Variants in FGGY observed in about 807,000 individuals in gnomAD.
FGGY encodes the protein FGGY carbohydrate kinase domain-containing protein.
FGGY carries 72 observed loss-of-function variants against 71.3 expected under a neutral mutation model. That is an observed-to-expected ratio of 1.01 (90% CI 0.84 to 1.23). The LOEUF (loss-of-function observed/expected upper bound fraction) is 1.23, where lower values mean the gene tolerates loss of function less well. FGGY is among the 50% of genes most tolerant of loss of function. FGGY has a pLI of 0.00. For missense variants in FGGY, 668 were observed against 682.3 expected, an observed-to-expected ratio of 0.98 and a Z score of 0.23; for synonymous variants, 251 against 250.3, an observed-to-expected ratio of 1.00 and a Z score of -0.02.
chr1:59,648,560 T>G (rs1169796610), intron 11 of FGGY, among the ~76,000 whole-genome samples: 1 of 146,416 alleles, frequency 6.8e-6, no homozygotes, highest in South Asian at 2.2e-4. Flanking sequence ...TTGAGAAGTG[T>G]CTGTTCATGT....
At chr1:59,419,293 G>GT (rs1000810997) in intron 5 of FGGY, among the ~76,000 whole-genome samples, 2 of 151,098 alleles carry the variant, frequency 1.3e-5, no homozygotes, top group African/African-American at 4.9e-5. Context: ...GAGGCTAGAG[G>GT]TAAAAAAATA....
chr1:59,588,158 A>C lies in FGGY; in HGVS notation c.904-19645A>C, dbSNP rs570846705. ...ACTACGTGAAGAATGCAGAAGCCTC[A>C]GGAGCCGATGTGATCAACTGGAAGA... On this transcript the variant is annotated intron_variant, in intron 8 of 15. Transcript: ENST00000303721. 2.7e-3 allele frequency among the ~76,000 whole-genome samples: 417 copies of C among 152,366 alleles called. 2 individuals are homozygous for C. The highest frequency in any genetic ancestry group is 5.0e-3 in the Non-Finnish European group (340 of 68,032).
chr1:59,390,423 G>A (rs2060557655), intron 5 of FGGY, among the ~76,000 whole-genome samples: 2 of 152,090 alleles, frequency 1.3e-5, no homozygotes, highest in Admixed American at 1.3e-4. Flanking sequence ...ATCACCTCAT[G>A]GTCCAAGATG....
chr1:59,658,109 A>G (rs752111944), intron 11 of FGGY, among the ~76,000 whole-genome samples: 4 of 152,218 alleles, frequency 2.6e-5, no homozygotes, highest in Non-Finnish European at 5.9e-5. Context: ...AGTGCTTACT[A>G]TGTTCCAGGC....
intron 13 of FGGY, among the ~76,000 whole-genome samples, chr1:59,668,215 CAG>C (rs1283165334): frequency 6.6e-6 from 1 of 152,142 alleles, no homozygotes; most frequent in Non-Finnish European, 1.5e-5. Context: ...TCTGTTGTCG[CAG>C]AGAGTGGCCT....
At chr1:59,593,985 T>A (rs567644783) in intron 8 of FGGY, among the ~76,000 whole-genome samples, 1 of 152,310 alleles carries the variant, frequency 6.6e-6, no homozygotes, top group East Asian at 1.9e-4. Context: ...AAGGCTGTAG[T>A]TCATAGCTCT....
chr1:59,756,845 T>G (rs796779387), intron 14 of FGGY, among the ~76,000 whole-genome samples: 8 of 151,886 alleles, frequency 5.3e-5, no homozygotes, highest in African/African-American at 1.9e-4. Flanking sequence ...GGGGAAACAC[T>G]TGGAAATGTT....
At chr1:59,326,595 G>A (rs2047467265) in intron 2 of FGGY, among the ~76,000 whole-genome samples, 1 of 152,142 alleles carries the variant, frequency 6.6e-6, no homozygotes, top group South Asian at 2.1e-4. Context: ...ACTCAGATGG[G>A]TCAAACCTAT....
chr1:59,561,656 T>G (rs2095795263), intron 8 of FGGY, among the ~76,000 whole-genome samples: 1 of 152,172 alleles, frequency 6.6e-6, no homozygotes, highest in Admixed American at 6.5e-5. Context: ...CTTTGTATCA[T>G]GTAAATAGCT....
intron 11 of FGGY, among the ~76,000 whole-genome samples, chr1:59,643,041 A>G (rs976851909): frequency 6.6e-6 from 1 of 151,818 alleles, no homozygotes; most frequent in African/African-American, 2.4e-5. Context: ...TCTCAAAAAA[A>G]AAAAAAAAAA....
chr1:59,515,761 A>G (rs1326197924), intron 7 of FGGY, among the ~76,000 whole-genome samples: 1 of 152,124 alleles, frequency 6.6e-6, no homozygotes, highest in Non-Finnish European at 1.5e-5. Context: ...TTTGCCCTCC[A>G]CCATGATTAT....
At chr1:59,591,925 C>T (rs547185317) in intron 8 of FGGY, among the ~76,000 whole-genome samples, 9 of 152,234 alleles carry the variant, frequency 5.9e-5, no homozygotes, top group African/African-American at 2.2e-4. Flanking sequence ...CAACAAAAGC[C>T]AAAATTGACA....
intron 7 of FGGY, among the ~76,000 whole-genome samples, chr1:59,517,256 T>C (rs2094685918): frequency 2.3e-5 from 2 of 85,302 alleles, no homozygotes; most frequent in African/African-American, 7.1e-5. Flanking sequence ...CAGTTGCTCT[T>C]TTTTTTTTTT....
chr1:59,733,549 T>G (rs1007689102), intron 14 of FGGY, among the ~76,000 whole-genome samples: 3 of 152,186 alleles, frequency 2.0e-5, no homozygotes, highest in Admixed American at 6.5e-5. Context: ...AAGGACAAAT[T>G]CATTTCTTAC....
rs116768702 is a variant in FGGY, at chr1:59,712,566, C to T, written c.1512+38433C>T. Among the ~76,000 whole-genome samples, 12 of 152,336 alleles carry T rather than the reference C, an allele frequency of 7.9e-5. No homozygotes were observed. The East Asian group carries it at 9.6e-4, about 12-fold the overall frequency. On this transcript the variant is annotated intron_variant, in intron 14 of 15. Coordinates refer to ENST00000303721, the MANE Select transcript of FGGY (RefSeq NM_018291.5). Reference sequence around the variant, plus strand: ...GCCTGGGCATCCAGGTTTTTCCATACATCTTCTGAAATCTAGGCAGAGGTT... The same window carrying T: ...GCCTGGGCATCCAGGTTTTTCCATATATCTTCTGAAATCTAGGCAGAGGTT...
chr1:59,416,532 C>G (rs985019430), intron 5 of FGGY, among the ~76,000 whole-genome samples: 2 of 152,138 alleles, frequency 1.3e-5, no homozygotes, highest in African/African-American at 4.8e-5. Flanking sequence ...TTGACAGTGA[C>G]CAAAACACAA....
chr1:59,700,569 C>T (rs1397311792), intron 14 of FGGY, among the ~76,000 whole-genome samples: 2 of 152,126 alleles, frequency 1.3e-5, no homozygotes, highest in Non-Finnish European at 2.9e-5. Context: ...CTTTTCTTAG[C>T]CCCATTAGCC....
intron 6 of FGGY, among the ~76,000 whole-genome samples, chr1:59,507,213 A>G (rs1045639634): frequency 6.6e-6 from 1 of 152,170 alleles, no homozygotes. Context: ...ATTTGAACAG[A>G]GTTTGAACAG....
chr1:59,734,272 C>T (rs983443270), intron 14 of FGGY, among the ~76,000 whole-genome samples: 5 of 152,186 alleles, frequency 3.3e-5, no homozygotes, highest in African/African-American at 1.2e-4. Flanking sequence ...GGTACCATAA[C>T]AGCTCACTGC....
Sources: allele counts gnomAD v4.1 joint callset (sites outside exome capture counted in the v4.1 genomes callset), GRCh38; gene constraint gnomAD v4.1.1; transcripts MANE v1.5; gene names NCBI Gene and HGNC (gene_info 2026-07-23, HGNC 2026-07-21).